SETDB2: variants seen among roughly 807,000 people sequenced by gnomAD.
The protein encoded by SETDB2 is SET domain bifurcated histone lysine methyltransferase 2.
A neutral mutation model predicts 82.5 loss-of-function variants in SETDB2; 56 were observed. The ratio of observed to expected loss-of-function variants is 0.68; its 90% CI spans 0.55 to 0.85. The LOEUF is 0.85. Among genes scored for constraint, SETDB2 ranks in the 40% least tolerant of loss-of-function variants. The probability of loss-of-function intolerance (pLI) is 0.00; values close to 1 mark genes in which losing one functional copy is unlikely to be tolerated. For missense variants in SETDB2, 677 were observed against 816.4 expected, an observed-to-expected ratio of 0.83 and a Z score of 2.08; for synonymous variants, 272 against 284.9, an observed-to-expected ratio of 0.95 and a Z score of 0.46.
intron 1 of SETDB2, among the ~76,000 whole-genome samples, chr13:49,450,101 GA>G (rs1225303843): frequency 6.6e-6 from 1 of 152,084 alleles, no homozygotes; most frequent in African/African-American, 2.4e-5. Context: ...CATTTTTCTG[GA>G]AACATCTAAG....
Position 49,476,633 on chromosome 13 carries a change from C to T in SETDB2, c.463C>T (p.Leu155=). Residue 155 remains leucine, a synonymous_variant, in exon 6 of 14, where the codon CTG becomes TTG. Transcript: ENST00000611815. The part of the protein sequence containing the change: ...LNLKGENPLQ[L]PIKCHFQRRH... ...CTTGAAGGGAGAAAACCCTCTGCAGCTGCCAATCAAATGTCACTTCCAAAG... is the reference window on the plus strand; with the variant it reads ...CTTGAAGGGAGAAAACCCTCTGCAGTTGCCAATCAAATGTCACTTCCAAAG... 6.2e-7 allele frequency: 1 copy of T among 1,614,184 alleles called. No homozygotes were observed. Among genetic ancestry groups the T allele is most frequent in the Non-Finnish European group, 8.5e-7 (1 of 1,180,030 alleles).
chr13:49,482,656 A>C, intron 8 of SETDB2, 81 bp from the exon 9 acceptor site: 1 of 887,850 alleles, frequency 1.1e-6, no homozygotes, highest in Non-Finnish European at 1.7e-6. Context: ...TTCTTTAGTC[A>C]TGGAGTAGAA....
intron 8 of SETDB2, chr13:49,482,335 T>C (rs193175783): frequency 2.0e-6 from 2 of 984,926 alleles, no homozygotes; most frequent in East Asian, 1.1e-4. Flanking sequence ...TCACCACATA[T>C]TTAAATAGGT....
At chr13:49,484,156 G>C (rs1958544660) in intron 10 of SETDB2, among the ~76,000 whole-genome samples, 1 of 152,188 alleles carries the variant, frequency 6.6e-6, no homozygotes, top group Non-Finnish European at 1.5e-5. Context: ...CTGAGACCGA[G>C]AGGTATCCCA....
rs1396221444 is a variant in SETDB2, at chr13:49,483,476, T to A, written c.1395T>A (p.Tyr465Ter). 1 of 1,376,054 alleles carries A rather than the reference T, an allele frequency of 7.3e-7. No homozygotes were observed. Among genetic ancestry groups the A allele is most frequent in the Non-Finnish European group, 9.9e-7 (1 of 1,012,478 alleles). The allele number at this position is 1,376,054 out of a possible 1,614,324, so 85.2% of individuals were successfully genotyped here. The change falls in exon 10 of 14, where the codon TAT becomes TAA. Residue 465 changes from tyrosine to a stop codon, truncating the protein, a stop_gained. Coordinates refer to ENST00000611815, the MANE Select transcript of SETDB2 (RefSeq NM_001160308.3). LOFTEE classifies it high-confidence loss of function. Reference protein sequence around the residue: ...NPKELTVETKYDNISRIQYHS... With the variant: ...NPKELTVETK ...TTTTCCTTTTTAGGGAAACGAAATA[T>A]GATAATATTTCAAGAATTCAATATC...
At position 49,482,828 on chromosome 13, in the gene SETDB2, A is replaced by G. The variant is rs777566669; in HGVS notation, c.1248A>G (p.Lys416=). 1 of 1,612,730 alleles carries G rather than the reference A, an allele frequency of 6.2e-7. No homozygotes were observed. The highest frequency in any genetic ancestry group is 2.2e-5 in the East Asian group (1 of 44,752). ...ATACTATGAAAAATATATTTTCAAAAAAGAGGAAATTAGAAGTTGCATGTT... is the reference window on the plus strand; with the variant it reads ...ATACTATGAAAAATATATTTTCAAAGAAGAGGAAATTAGAAGTTGCATGTT... ...DENTMKNIFS[K]KRKLEVACSD... Residue 416 remains lysine (K), a synonymous_variant, in exon 9 of 14, where the codon AAA becomes AAG. Transcript: ENST00000611815.
Position 49,454,682 on chromosome 13 carries a change from C to T in SETDB2, c.16+2773C>T, listed in dbSNP as rs74076011. Among the ~76,000 whole-genome samples, 177 of 152,254 alleles carry T rather than the reference C, an allele frequency of 1.2e-3. 1 individual carries two copies. Among genetic ancestry groups the T allele is most frequent in the African/African-American group, 4.0e-3 (167 of 41,550 alleles). On this transcript the variant is annotated intron_variant, in intron 2 of 13. Coordinates refer to ENST00000611815, the MANE Select transcript of SETDB2 (RefSeq NM_001160308.3). ...CTAAATGATTTTTAAAATTTGCATACGTTATTAGTTCATTGTTTACTCTTT... is the reference window on the plus strand; with the variant it reads ...CTAAATGATTTTTAAAATTTGCATATGTTATTAGTTCATTGTTTACTCTTT...
intron 5 of SETDB2, among the ~76,000 whole-genome samples, chr13:49,473,576 C>T (rs1958293344): frequency 7.0e-6 from 1 of 143,002 alleles, no homozygotes; most frequent in Admixed American, 7.1e-5. Context: ...AAAAAAAATT[C>T]ATAGGCAAAA....
At chr13:49,470,072 G>A (rs1037516291) in intron 5 of SETDB2, among the ~76,000 whole-genome samples, 2 of 152,098 alleles carry the variant, frequency 1.3e-5, no homozygotes, top group Non-Finnish European at 2.9e-5. Context: ...CCAATGTTGC[G>A]TATTCATAAT....
Position 49,444,285 on chromosome 13 carries a change from C to G in SETDB2, c.-914C>G, listed in dbSNP as rs1957608887. ...GCCTGGTCCCCGGCGGAGGTTACGC[C>G]TTCCCTCATCCCCGGTAGAGGCAGG... On this transcript the variant is annotated 5_prime_UTR_variant, in exon 1 of 14. Coordinates refer to ENST00000611815, the MANE Select transcript of SETDB2 (RefSeq NM_001160308.3). The G allele has an allele frequency of 3.0e-6, 1 of 328,580 alleles. No homozygotes were observed. Among genetic ancestry groups the G allele is most frequent in the Admixed American group, 4.2e-5 (1 of 23,900 alleles). 20.4% of individuals were successfully genotyped at this position (328,580 alleles called of 1,614,324 possible).
intron 1 of SETDB2, among the ~76,000 whole-genome samples, chr13:49,446,756 C>T (rs910880423): frequency 1.5e-4 from 23 of 152,076 alleles, no homozygotes; most frequent in Non-Finnish European, 1.3e-4. Flanking sequence ...TTGATGTGTG[C>T]TGTATAGCAC....
At position 49,472,108 on chromosome 13, in the gene SETDB2, A is replaced by G. The variant is rs184017556; in HGVS notation, c.305+4148A>G. Among the ~76,000 whole-genome samples, 871 of 151,586 alleles carry G rather than the reference A, an allele frequency of 5.7e-3. 26 individuals carry two copies. Among genetic ancestry groups the G allele is most frequent in the Non-Finnish European group, 3.3e-3 (226 of 67,908 alleles). On this transcript the variant is annotated intron_variant, in intron 5 of 13. Coordinates refer to ENST00000611815, the MANE Select transcript of SETDB2 (RefSeq NM_001160308.3). ...ATCTTAATTTAAATTATTGAAAGAG[A>G]CAGTATAAAAAGCCCAGTATGTATA...
intron 1 of SETDB2, among the ~76,000 whole-genome samples, chr13:49,448,354 C>T (rs944587765): frequency 3.9e-5 from 6 of 152,040 alleles, no homozygotes; most frequent in African/African-American, 1.4e-4. Context: ...TATTTTGTTG[C>T]TTTTTTCCCA....
intron 12 of SETDB2, among the ~76,000 whole-genome samples, chr13:49,490,169 A>C (rs1958683068): frequency 6.8e-6 from 1 of 147,608 alleles, no homozygotes; most frequent in African/African-American, 2.5e-5. Flanking sequence ...AATCCCAGCT[A>C]CTTGGGAGGC....
chr13:49,473,551 C>CAAAAA (rs769808278), intron 5 of SETDB2, among the ~76,000 whole-genome samples: 6 of 61,560 alleles, frequency 9.7e-5, no homozygotes, highest in Non-Finnish European at 1.7e-4. Context: ...ACCCTGTCTC[C>CAAAAA]AAAAAAAAAA....
intron 10 of SETDB2, among the ~76,000 whole-genome samples, chr13:49,485,382 C>T (rs1410504424): frequency 6.6e-6 from 1 of 152,030 alleles, no homozygotes; most frequent in Admixed American, 6.6e-5. Flanking sequence ...ATTTTAATTC[C>T]CAAAGAATTT....
chr13:49,454,825 G>C lies in SETDB2; in HGVS notation c.16+2916G>C, dbSNP rs1388963532. Among the ~76,000 whole-genome samples the C allele has an allele frequency of 2.0e-5, 3 of 152,052 alleles. No individual in the cohort carries two copies. In the East Asian group the frequency reaches 5.8e-4, roughly 29 times the overall value. The stretch of plus-strand genomic sequence containing the variant: ...TGTATGGATTGTTATACAGATCATA[G>C]TACTGATTTCACCAGGCTGTGATCT... On this transcript the variant is annotated intron_variant, in intron 2 of 13. Transcript: ENST00000611815.
intron 2 of SETDB2, among the ~76,000 whole-genome samples, chr13:49,453,075 A>T (rs1466563799): frequency 6.6e-6 from 1 of 152,162 alleles, no homozygotes; most frequent in Non-Finnish European, 1.5e-5. Flanking sequence ...CCCCTCCTTA[A>T]ATGTGGAATA....
rs144793890 is a variant in SETDB2 at position 49,462,654 on chromosome 13, A to G, written c.208+1492A>G. ...TTTGCTGAAGTTTTAAGGAAGTACA[A>G]TATTTACTAGGTTTGTATTAATGCT... On this transcript the variant is annotated intron_variant, in intron 4 of 13. Coordinates refer to ENST00000611815, the MANE Select transcript of SETDB2 (RefSeq NM_001160308.3). Among the ~76,000 whole-genome samples, 1,420 of 152,352 alleles carry G rather than the reference A, an allele frequency of 9.3e-3. 19 individuals are homozygous for G. Among genetic ancestry groups the G allele is most frequent in the Non-Finnish European group, 0.012 (812 of 68,034 alleles).
Sources: allele counts gnomAD v4.1 joint callset (sites outside exome capture counted in the v4.1 genomes callset), GRCh38; gene constraint gnomAD v4.1.1; transcripts MANE v1.5; gene names NCBI Gene and HGNC (gene_info 2026-07-23, HGNC 2026-07-21).